Variants in ZNF804B observed in about 807,000 individuals in gnomAD.
ZNF804B encodes zinc finger 804B.
In ZNF804B, 80 loss-of-function variants were observed where a neutral mutation model predicts 101.4. That is an observed-to-expected ratio of 0.79 (90% CI 0.66 to 0.95). ZNF804B has a LOEUF of 0.95. Ranked by LOEUF, ZNF804B falls within the 40% of genes least tolerant of loss-of-function variation. The probability of loss-of-function intolerance (pLI) is 0.00; values close to 1 mark genes in which losing one functional copy is unlikely to be tolerated. For synonymous variants in ZNF804B, 622 were observed against 558.8 expected (o/e 1.11, Z -1.59); for missense variants, 1,673 against 1,561.9 (o/e 1.07, Z -1.20).
intron 1 of ZNF804B, among the ~76,000 whole-genome samples, chr7:88,995,105 C>G (rs560667914): frequency 1.3e-5 from 2 of 152,142 alleles, no homozygotes; most frequent in East Asian, 3.9e-4. Flanking sequence ...TATCGCCTGC[C>G]TATCTATTGC....
intron 2 of ZNF804B, among the ~76,000 whole-genome samples, chr7:89,266,306 C>G (rs905783745): frequency 2.6e-5 from 4 of 151,998 alleles, no homozygotes; most frequent in South Asian, 2.1e-4. Flanking sequence ...AAAAAAGAAC[C>G]ATTCTTCATG....
chr7:89,194,359 T>C (rs1302104400), intron 1 of ZNF804B, among the ~76,000 whole-genome samples: 3 of 150,990 alleles, frequency 2.0e-5, no homozygotes, highest in Admixed American at 2.0e-4. Flanking sequence ...GCCATTGCTT[T>C]TGGTGTTTTA....
intron 1 of ZNF804B, among the ~76,000 whole-genome samples, chr7:88,875,258 G>T (rs2115891286): frequency 6.7e-6 from 1 of 150,374 alleles, no homozygotes; most frequent in African/African-American, 2.5e-5. Context: ...AACTAGAAAA[G>T]CAAGAGCAAA....
At chr7:88,836,538 G>A (rs996632539) in intron 1 of ZNF804B, among the ~76,000 whole-genome samples, 2 of 151,774 alleles carry the variant, frequency 1.3e-5, no homozygotes, top group African/African-American at 2.4e-5. Flanking sequence ...TATCATTCTA[G>A]GAAGTTGCTA....
intron 1 of ZNF804B, among the ~76,000 whole-genome samples, chr7:89,057,818 G>A (rs920646750): frequency 1.3e-5 from 2 of 152,220 alleles, no homozygotes; most frequent in Admixed American, 1.3e-4. Context: ...TTCCTCCCCA[G>A]ATCAAGAAGT....
At chr7:89,257,967 C>T (rs17167843) in intron 2 of ZNF804B, among the ~76,000 whole-genome samples, 18,548 of 152,000 alleles carry the variant, frequency 0.12, 1,220 homozygotes, top group Middle Eastern at 0.26. Flanking sequence ...TCACCCCATC[C>T]AAATTTGCCA....
chr7:89,126,667 G>A (rs927435533), intron 1 of ZNF804B, among the ~76,000 whole-genome samples: 1 of 151,526 alleles, frequency 6.6e-6, no homozygotes, highest in Non-Finnish European at 1.5e-5. Flanking sequence ...GTGTGTGGTG[G>A]CCCTTTTATT....
intron 1 of ZNF804B, among the ~76,000 whole-genome samples, chr7:88,841,542 C>A (rs972122941): frequency 6.6e-6 from 1 of 152,136 alleles, no homozygotes; most frequent in African/African-American, 2.4e-5. Context: ...TTATTTGGAA[C>A]CTTCCTAGAC....
intron 1 of ZNF804B, among the ~76,000 whole-genome samples, chr7:89,118,212 C>T (rs896320009): frequency 6.6e-6 from 1 of 152,050 alleles, no homozygotes; most frequent in Non-Finnish European, 1.5e-5. Context: ...ATTCATATTC[C>T]CATTTTAAAG....
At chr7:88,926,977 G>T (rs1024416505) in intron 1 of ZNF804B, among the ~76,000 whole-genome samples, 6 of 150,044 alleles carry the variant, frequency 4.0e-5, no homozygotes, top group Non-Finnish European at 8.8e-5. Flanking sequence ...TGTTGTACAA[G>T]TGCAGGGCTC....
intron 1 of ZNF804B, among the ~76,000 whole-genome samples, chr7:88,843,778 C>T (rs1432811968): frequency 6.6e-6 from 1 of 151,810 alleles, no homozygotes; most frequent in East Asian, 1.9e-4. Flanking sequence ...CAAATGAAGA[C>T]AATGTCAAAC....
intron 1 of ZNF804B, among the ~76,000 whole-genome samples, chr7:88,822,232 A>T (rs1790993271): frequency 6.6e-6 from 1 of 152,172 alleles, no homozygotes; most frequent in South Asian, 2.1e-4. Flanking sequence ...TGGTTGTATG[A>T]AGAATTTTTT....
chr7:88,765,878 GTC>G (rs1273435938), intron 1 of ZNF804B, among the ~76,000 whole-genome samples: 1 of 134,652 alleles, frequency 7.4e-6, no homozygotes, highest in African/African-American at 3.4e-5. Context: ...AAGTTACGTA[GTC>G]TCTCTTGTTT....
At chr7:89,198,636 G>T (rs865799497) in intron 1 of ZNF804B, among the ~76,000 whole-genome samples, 1 of 151,940 alleles carries the variant, frequency 6.6e-6, no homozygotes, top group East Asian at 1.9e-4. Context: ...ATTATTTATT[G>T]TTCATCTTTG....
At chr7:88,859,536 A>G (rs1392656906) in intron 1 of ZNF804B, among the ~76,000 whole-genome samples, 1 of 152,078 alleles carries the variant, frequency 6.6e-6, no homozygotes, top group Non-Finnish European at 1.5e-5. Context: ...ATTCTCTTTA[A>G]TTCTCTCTTT....
At chr7:89,291,179 G>C (rs550670842) in intron 2 of ZNF804B, among the ~76,000 whole-genome samples, 4 of 152,258 alleles carry the variant, frequency 2.6e-5, no homozygotes, top group African/African-American at 7.2e-5. Context: ...AAGAAGTCCA[G>C]ACTGTGAAGA....
At chr7:89,100,095 A>G (rs1198022143) in intron 1 of ZNF804B, among the ~76,000 whole-genome samples, 1 of 152,190 alleles carries the variant, frequency 6.6e-6, no homozygotes, top group East Asian at 1.9e-4. Context: ...CCCTTGGGAA[A>G]AATGACAAGA....
At chr7:88,772,749 C>T (rs532456347) in intron 1 of ZNF804B, among the ~76,000 whole-genome samples, 1 of 152,258 alleles carries the variant, frequency 6.6e-6, no homozygotes, top group Non-Finnish European at 1.5e-5. Flanking sequence ...TTTCTTACTC[C>T]CGTGTTTGGA....
At chr7:88,852,934 G>A (rs924087341) in intron 1 of ZNF804B, among the ~76,000 whole-genome samples, 52 of 152,100 alleles carry the variant, frequency 3.4e-4, no homozygotes, top group African/African-American at 1.1e-3. Flanking sequence ...ATAGCTTTTT[G>A]AGGACCCATG....
Sources: gnomAD v4.1 joint callset for allele counts (sites outside exome capture counted in the v4.1 genomes callset) on GRCh38, gnomAD v4.1.1 for gene constraint, MANE v1.5 for transcripts, NCBI Gene and HGNC (gene_info 2026-07-23, HGNC 2026-07-21) for gene names.